Variants in CACNA1S observed in about 807,000 individuals in gnomAD.
CACNA1S encodes calcium voltage-gated channel subunit alpha1 S.
In CACNA1S, 126 loss-of-function variants were observed where a neutral mutation model predicts 207.4. The ratio of observed to expected loss-of-function variants is 0.61; its 90% confidence interval spans 0.53 to 0.70. The LOEUF is 0.70. Among genes scored for constraint, CACNA1S ranks in the 30% least tolerant of loss-of-function variants. The probability of loss-of-function intolerance (pLI) is 0.00; values close to 1 mark genes in which losing one functional copy is unlikely to be tolerated. For missense variants in CACNA1S, 2,349 were observed against 2,422.8 expected (o/e 0.97, Z 0.64); for synonymous variants, 960 against 932.7 (o/e 1.03, Z -0.53).
At position 201,049,850 on chromosome 1, in the gene CACNA1S, A is replaced by C. The variant is rs138627076; in HGVS notation, c.4241+539T>G. ...GCACCATCTCTTACCAGTTACATGGACTGGGGCAACTTACTTAACCTCTCT... is the reference window on the plus strand; with the variant it reads ...GCACCATCTCTTACCAGTTACATGGCCTGGGGCAACTTACTTAACCTCTCT... On this transcript the variant is annotated intron_variant, in intron 34 of 43. Transcript: ENST00000362061. Among the ~76,000 whole-genome samples, 816 of 152,276 alleles carry C rather than the reference A, an allele frequency of 5.4e-3. 7 individuals are homozygous for C. The highest frequency in any genetic ancestry group is 0.019 in the African/African-American group (771 of 41,542).
At position 201,092,218 on chromosome 1, in the gene CACNA1S, G is replaced by A. The variant is rs1662259777; in HGVS notation, c.399-104C>T. On this transcript the variant is annotated intron_variant, in intron 3 of 43. Coordinates refer to ENST00000362061, the MANE Select transcript of CACNA1S (RefSeq NM_000069.3). ...GTCCATGCTTGAGCACCTGTGGAAA[G>A]GCCTAGGGGAGAGACGGCAAATACG... 9 of 1,308,678 alleles carry A rather than the reference G, an allele frequency of 6.9e-6. No homozygotes were observed. The South Asian group carries it at 1.1e-4, about 16-fold the overall frequency. 81.1% of individuals were successfully genotyped at this position (1,308,678 alleles called of 1,614,324 possible). A position where few individuals can be genotyped will look rare whatever the true frequency, so the allele number is the denominator to read the frequency against.
intron 3 of CACNA1S, 94 bp from the exon 4 acceptor site, chr1:201,092,208 C>G: frequency 6.9e-7 from 1 of 1,456,678 alleles, no homozygotes; most frequent in Middle Eastern, 1.7e-4. Context: ...TGCTTGAGCA[C>G]CTGTGGAAAG....
At chr1:201,047,333 C>A in intron 37 of CACNA1S, 94 bp from the exon 38 acceptor site, 2 of 1,542,354 alleles carry the variant, frequency 1.3e-6, no homozygotes, top group Non-Finnish European at 1.8e-6. Context: ...CCCGGGCATG[C>A]AAGCAATCCT....
At chr1:201,101,206 T>C (rs1409838827) in intron 2 of CACNA1S, among the ~76,000 whole-genome samples, 1 of 152,226 alleles carries the variant, frequency 6.6e-6, no homozygotes. Context: ...TTCTCTGCCA[T>C]GAATGAACAT....
intron 38 of CACNA1S, among the ~76,000 whole-genome samples, chr1:201,046,654 G>T (rs961750522): frequency 6.6e-6 from 1 of 151,716 alleles, no homozygotes; most frequent in African/African-American, 2.4e-5. Flanking sequence ...TGATTCTCAC[G>T]CCTCAGCCTC....
chr1:201,054,878 ATG>A (rs1660782630), intron 28 of CACNA1S, among the ~76,000 whole-genome samples: 1 of 152,040 alleles, frequency 6.6e-6, no homozygotes, highest in African/African-American at 2.4e-5. Context: ...GGTTTTTCTT[ATG>A]TGTTTGGGTT....
intron 2 of CACNA1S, among the ~76,000 whole-genome samples, chr1:201,096,318 C>T (rs6427878): frequency 0.88 from 134,595 of 152,252 alleles, 60,193 homozygotes; most frequent in Middle Eastern, 0.97. Flanking sequence ...GTGTGAGCCC[C>T]CGTTCCGGAG....
At chr1:201,062,619 G>T in intron 22 of CACNA1S, 105 bp from the exon 23 acceptor site, 2 of 1,021,160 alleles carry the variant, frequency 2.0e-6, no homozygotes, top group Admixed American at 1.9e-5. Context: ...GGGAAGGCAG[G>T]CATCTGAAAA....
intron 38 of CACNA1S, 39 bp downstream of exon 38, chr1:201,047,076 G>GC: frequency 6.2e-7 from 1 of 1,613,976 alleles, no homozygotes. Flanking sequence ...ACCTGGCTCA[G>GC]TGGGGGAGCC....
intron 5 of CACNA1S, among the ~76,000 whole-genome samples, chr1:201,090,669 T>A (rs1662192253): frequency 6.6e-6 from 1 of 152,184 alleles, no homozygotes; most frequent in Non-Finnish European, 1.5e-5. Context: ...AGTGTCGGCC[T>A]GACCAAAATG....
In CACNA1S at chr1:201,093,883, C is replaced by T. The variant is rs1662321964; in HGVS notation, c.397G>A (p.Gly133Arg). 10 of 1,613,956 alleles carry T rather than the reference C, an allele frequency of 6.2e-6. No individual in the cohort carries two copies. The highest frequency in any genetic ancestry group is 8.5e-6 in the Non-Finnish European group (10 of 1,180,034). ...NVLDFTIVFL[G>R]VFTVILEQVN... ...AGTCTCCCCACACCCAGCTCTCACCCCAGGAAGACAATGGTGAAGTCCAGC... is the reference window on the plus strand; with the variant it reads ...AGTCTCCCCACACCCAGCTCTCACCTCAGGAAGACAATGGTGAAGTCCAGC... The change falls in exon 3 of 44, where the codon GGG (glycine) becomes AGG (arginine). Residue 133 changes from glycine to arginine, a missense_variant and splice_region_variant. Transcript: ENST00000362061.
At chr1:201,065,068 C>G (rs994461851) in intron 22 of CACNA1S, among the ~76,000 whole-genome samples, 1 of 152,192 alleles carries the variant, frequency 6.6e-6, no homozygotes, top group Non-Finnish European at 1.5e-5. Context: ...AGGGGCCTCC[C>G]TCCCCAAGGA....
chr1:201,070,770 G>C (rs535513824), intron 16 of CACNA1S, among the ~76,000 whole-genome samples: 7 of 152,258 alleles, frequency 4.6e-5, no homozygotes, highest in Admixed American at 2.6e-4. Context: ...CTGGGTCCTA[G>C]TCCCAGGTCT....
intron 10 of CACNA1S, among the ~76,000 whole-genome samples, chr1:201,080,604 C>T (rs1661807723): frequency 6.6e-6 from 1 of 151,968 alleles, no homozygotes. Flanking sequence ...CTTCTTTTAC[C>T]TCTTTCATCA....
At chr1:201,057,405 A>G (rs1240529424) in intron 28 of CACNA1S, among the ~76,000 whole-genome samples, 1 of 151,192 alleles carries the variant, frequency 6.6e-6, no homozygotes, top group Non-Finnish European at 1.5e-5. Flanking sequence ...ATTCTCTTCC[A>G]CTCTAAGCCT....
chr1:201,061,473 G>A lies in CACNA1S; in HGVS notation c.3054-5C>T, dbSNP rs748769316. 1 of 1,613,248 alleles carries A rather than the reference G, an allele frequency of 6.2e-7. No homozygotes were observed. The highest frequency in any genetic ancestry group is 8.5e-7 in the Non-Finnish European group (1 of 1,179,276). On this transcript the variant is annotated splice_region_variant and splice_polypyrimidine_tract_variant and intron_variant, in intron 24 of 43. Coordinates refer to ENST00000362061, the MANE Select transcript of CACNA1S (RefSeq NM_000069.3). ...TCTATGGCCTTGTACAGCAGCCTGG[G>A]GGTGGGCAGAGAAGAGAGGACAGAC...
At chr1:201,047,830 CT>C (rs1417939098) in intron 36 of CACNA1S, among the ~76,000 whole-genome samples, 3 of 152,234 alleles carry the variant, frequency 2.0e-5, no homozygotes, top group Non-Finnish European at 4.4e-5. Context: ...GGGTCATGTA[CT>C]TTCTCCCCAC....
intron 34 of CACNA1S, among the ~76,000 whole-genome samples, chr1:201,049,698 C>T (rs1045301837): frequency 1.3e-5 from 2 of 152,212 alleles, no homozygotes; most frequent in African/African-American, 4.8e-5. Flanking sequence ...CATTCCCCGC[C>T]TGTCTCCAGA....
At chr1:201,076,605 T>C (rs1020566524) in intron 12 of CACNA1S, among the ~76,000 whole-genome samples, 19 of 152,216 alleles carry the variant, frequency 1.2e-4, no homozygotes, top group Admixed American at 1.2e-3. Flanking sequence ...GAGTGGCACA[T>C]GAAAGCACGC....
Sources: gnomAD v4.1 joint callset for allele counts (sites outside exome capture counted in the v4.1 genomes callset) on GRCh38, gnomAD v4.1.1 for gene constraint, MANE v1.5 for transcripts, NCBI Gene and HGNC (gene_info 2026-07-23, HGNC 2026-07-21) for gene names.